Variants in AUTS2 observed in about 807,000 individuals in gnomAD.
AUTS2 encodes autism susceptibility gene 2 protein.
AUTS2 carries 17 observed loss-of-function variants against 112.4 expected under a neutral mutation model. The observed-to-expected ratio is 0.15, with a 90% CI of 0.10 to 0.23. The LOEUF is 0.23. Among genes scored for constraint, AUTS2 ranks in the 10% least tolerant of loss-of-function variants. The pLI, the probability that AUTS2 is intolerant of heterozygous loss-of-function variation, is 1.00. For synonymous variants in AUTS2, 751 were observed against 702.7 expected (o/e 1.07, Z -1.09); for missense variants, 1,510 against 1,701.6 (o/e 0.89, Z 1.98).
intron 2 of AUTS2, among the ~76,000 whole-genome samples, chr7:69,983,931 T>C (rs1563014797): frequency 6.6e-6 from 1 of 152,214 alleles, no homozygotes; most frequent in Non-Finnish European, 1.5e-5. Flanking sequence ...ATATACAACT[T>C]ATAAAATACT....
chr7:69,782,138 G>A (rs540886377), intron 1 of AUTS2, among the ~76,000 whole-genome samples: 1 of 152,122 alleles, frequency 6.6e-6, no homozygotes, highest in Admixed American at 6.6e-5. Flanking sequence ...GCTGAGGTGG[G>A]CAGATAGCTT....
chr7:69,872,166 A>G (rs545023623), intron 1 of AUTS2, among the ~76,000 whole-genome samples: 1 of 152,330 alleles, frequency 6.6e-6, no homozygotes, highest in East Asian at 1.9e-4. Flanking sequence ...CAGGTCACAC[A>G]CCCATGAAGC....
At chr7:70,439,024 T>C (rs1283062133) in intron 5 of AUTS2, among the ~76,000 whole-genome samples, 2 of 152,176 alleles carry the variant, frequency 1.3e-5, no homozygotes, top group African/African-American at 4.8e-5. Context: ...TGCTTTCCTC[T>C]GATATGAAGC....
chr7:70,676,440 AAGAG>A (rs144253423), intron 5 of AUTS2, among the ~76,000 whole-genome samples: 3 of 150,302 alleles, frequency 2.0e-5, no homozygotes, highest in Admixed American at 6.6e-5. Flanking sequence ...TCAAAAAATA[AAGAG>A]AGAGAGAGAG....
chr7:69,807,940 CTTTTTTTTT>C (rs34491458), intron 1 of AUTS2, among the ~76,000 whole-genome samples: 1 of 120,446 alleles, frequency 8.3e-6, no homozygotes, highest in Non-Finnish European at 1.7e-5. Context: ...TAGGCCCAAG[CTTTTTTTTT>C]TTTTTTTTTT....
At chr7:70,039,815 A>G (rs767925574) in intron 2 of AUTS2, among the ~76,000 whole-genome samples, 23 of 152,180 alleles carry the variant, frequency 1.5e-4, no homozygotes, top group Non-Finnish European at 3.2e-4. Flanking sequence ...TGAGGTATTG[A>G]TTTGACCTAA....
At chr7:70,044,161 G>A (rs995127279) in intron 2 of AUTS2, among the ~76,000 whole-genome samples, 3 of 152,114 alleles carry the variant, frequency 2.0e-5, no homozygotes, top group South Asian at 2.1e-4. Flanking sequence ...TCCTCCTGCC[G>A]CTGGAGAGGT....
chr7:69,852,767 G>A (rs1022479868), intron 1 of AUTS2, among the ~76,000 whole-genome samples: 1 of 151,960 alleles, frequency 6.6e-6, no homozygotes, highest in African/African-American at 2.4e-5. Context: ...CTTTTCTAAT[G>A]TTATCATTTA....
chr7:69,986,019 T>A (rs1000467545), intron 2 of AUTS2, among the ~76,000 whole-genome samples: 2 of 152,202 alleles, frequency 1.3e-5, no homozygotes, highest in Non-Finnish European at 2.9e-5. Flanking sequence ...CGCCTCGACC[T>A]CTCAAAGTGC....
chr7:69,770,794 C>CT (rs35595640), intron 1 of AUTS2, among the ~76,000 whole-genome samples: 7 of 151,662 alleles, frequency 4.6e-5, no homozygotes, highest in African/African-American at 1.5e-4. Flanking sequence ...CTTCCGCTTG[C>CT]TTTTTTTCCC....
At chr7:69,653,888 ACCT>A (rs150227711) in intron 1 of AUTS2, among the ~76,000 whole-genome samples, 2,059 of 151,848 alleles carry the variant, frequency 0.014, 18 homozygotes, top group Non-Finnish European at 0.023. Context: ...CTATGAAGAG[ACCT>A]CCTTACTTCT....
At chr7:69,978,859 AACACACACACACACACACACAC>A (rs71068004) in intron 2 of AUTS2, among the ~76,000 whole-genome samples, 7 of 129,716 alleles carry the variant, frequency 5.4e-5, no homozygotes, top group Admixed American at 1.6e-4. Flanking sequence ...TCAAAGAAAC[AACACACACACACACACACACAC>A]ACACACACAC....
chr7:70,619,446 C>G (rs1804552824), intron 5 of AUTS2, among the ~76,000 whole-genome samples: 1 of 152,030 alleles, frequency 6.6e-6, no homozygotes, highest in Non-Finnish European at 1.5e-5. Context: ...TGCTTGTTAT[C>G]TCACAGGAGA....
At chr7:70,133,434 A>C (rs1806380509) in intron 3 of AUTS2, among the ~76,000 whole-genome samples, 1 of 152,192 alleles carries the variant, frequency 6.6e-6, no homozygotes, top group African/African-American at 2.4e-5. Flanking sequence ...AAGCTCTAAG[A>C]AGCAATGATG....
chr7:69,649,769 T>C (rs889599202), intron 1 of AUTS2, among the ~76,000 whole-genome samples: 16 of 152,008 alleles, frequency 1.1e-4, no homozygotes, highest in African/African-American at 3.9e-4. Context: ...AACCACAGAC[T>C]CTTTCAGAGC....
chr7:69,635,470 A>C (rs1250284305), intron 1 of AUTS2, among the ~76,000 whole-genome samples: 2 of 152,194 alleles, frequency 1.3e-5, no homozygotes, highest in Non-Finnish European at 2.9e-5. Flanking sequence ...GGGGAAAAGT[A>C]GAGGGTGGAA....
intron 4 of AUTS2, among the ~76,000 whole-genome samples, chr7:70,217,877 G>A (rs1000562280): frequency 2.0e-5 from 3 of 152,178 alleles, no homozygotes; most frequent in Non-Finnish European, 1.5e-5. Context: ...TTTTGTAAGA[G>A]GTTGGTTCTC....
chr7:70,583,887 G>A (rs993134918), intron 5 of AUTS2, among the ~76,000 whole-genome samples: 7 of 152,218 alleles, frequency 4.6e-5, no homozygotes, highest in Non-Finnish European at 7.3e-5. Flanking sequence ...GGTAAGCAGT[G>A]TTAATTAGCT....
At chr7:69,651,271 A>C (rs977039520) in intron 1 of AUTS2, among the ~76,000 whole-genome samples, 1 of 151,972 alleles carries the variant, frequency 6.6e-6, no homozygotes, top group Admixed American at 6.6e-5. Context: ...TCTGATAACC[A>C]GTGTTTTTTT....
Sources: gnomAD v4.1 joint callset for allele counts (sites outside exome capture counted in the v4.1 genomes callset) on GRCh38, gnomAD v4.1.1 for gene constraint, MANE v1.5 for transcripts, NCBI Gene and HGNC (gene_info 2026-07-23, HGNC 2026-07-21) for gene names.